Variants in ELAVL4 observed in about 807,000 individuals in gnomAD.
ELAVL4 encodes ELAV like RNA binding protein 4.
Under a neutral mutation model 35.6 loss-of-function variants are expected in ELAVL4, and 1 was observed. The observed-to-expected ratio is 0.03, with a 90% CI of 0.01 to 0.13. The LOEUF (loss-of-function observed/expected upper bound fraction) is 0.13, where lower values mean the gene tolerates loss of function less well. Among genes scored for constraint, ELAVL4 ranks in the 10% least tolerant of loss-of-function variants. ELAVL4 has a pLI of 1.00. For synonymous variants in ELAVL4, 156 were observed against 171.0 expected, an observed-to-expected ratio of 0.91 and a Z score of 0.69; for missense variants, 267 against 464.9, an observed-to-expected ratio of 0.57 and a Z score of 3.91.
At chr1:50,198,684 G>T (rs1644211257) in intron 6 of ELAVL4, among the ~76,000 whole-genome samples, 1 of 152,172 alleles carries the variant, frequency 6.6e-6, no homozygotes, top group African/African-American at 2.4e-5. Context: ...TAGTGAGGTA[G>T]TGCTAAATGT....
intron 1 of ELAVL4, among the ~76,000 whole-genome samples, chr1:50,119,445 T>G (rs538324395): frequency 6.6e-6 from 1 of 152,224 alleles, no homozygotes; most frequent in East Asian, 1.9e-4. Flanking sequence ...TTGGATATTC[T>G]TAGGACCTTC....
chr1:50,157,950 A>G (rs1352381669), intron 2 of ELAVL4, among the ~76,000 whole-genome samples: 1 of 152,202 alleles, frequency 6.6e-6, no homozygotes, highest in Non-Finnish European at 1.5e-5. Context: ...CTAAGGGAAT[A>G]TTTTAGGCCT....
At chr1:50,103,887 A>G (rs1170340048), upstream of ELAVL4, 2 of 1,605,770 alleles carry the variant, frequency 1.2e-6, no homozygotes, top group Non-Finnish European at 1.7e-6. Flanking sequence ...GTTCGGAGGG[A>G]CTGGTGTGAA....
Position 50,176,466 on chromosome 1 carries a change from C to T in ELAVL4, c.251-623C>T, listed in dbSNP as rs188046929. 1.7e-3 allele frequency among the ~76,000 whole-genome samples: 261 copies of T among 152,272 alleles called. 4 individuals carry two copies. Among genetic ancestry groups the T allele is most frequent in the Non-Finnish European group, 2.2e-3 (151 of 68,028 alleles). The stretch of plus-strand genomic sequence containing the variant: ...TGAATGTGGGTGTGGCTGGCATGAC[C>T]GAGGCAATAGACACTGCTACTGTGT... On this transcript the variant is annotated intron_variant, in intron 2 of 6. Coordinates refer to ENST00000371824, the MANE Select transcript of ELAVL4 (RefSeq NM_001144774.3).
At chr1:50,112,287 A>G (rs1441637374) in intron 1 of ELAVL4, among the ~76,000 whole-genome samples, 1 of 151,780 alleles carries the variant, frequency 6.6e-6, no homozygotes, top group Admixed American at 6.6e-5. Flanking sequence ...TTCTTTTTTT[A>G]TTTTCTGAGA....
chr1:50,109,015 T>TCGGGGGGGCGC lies in ELAVL4; in HGVS notation c.-174_-173insGGGGGGGCGCC. 1.0e-6 allele frequency: 1 copy of TCGGGGGGGCGC among 961,070 alleles called. No homozygotes were observed. Among genetic ancestry groups the TCGGGGGGGCGC allele is most frequent in the Non-Finnish European group, 1.2e-6 (1 of 816,950 alleles). 59.5% of individuals were successfully genotyped at this position (961,070 alleles called of 1,614,324 possible). A position where few individuals can be genotyped will look rare whatever the true frequency, so the allele number is the denominator to read the frequency against. On this transcript the variant is annotated 5_prime_UTR_variant, in exon 1 of 7. Transcript: ENST00000371824. Reference sequence around the variant, plus strand: ...GCTCCTTTTCTTTTTTTTCTTTCTCTCCCCCGCCCACCCCCCCAAAAATAA... The same window carrying TCGGGGGGGCGC: ...GCTCCTTTTCTTTTTTTTCTTTCTCTCGGGGGGGCGCCCCCCGCCCACCCCCCCAAAAATAA...
intron 1 of ELAVL4, among the ~76,000 whole-genome samples, chr1:50,117,787 G>A (rs1263065222): frequency 6.6e-6 from 1 of 152,128 alleles, no homozygotes; most frequent in Admixed American, 6.5e-5. Context: ...GTCCTGGGCA[G>A]TGACATTGTA....
At chr1:50,117,002 A>C (rs1399502480) in intron 1 of ELAVL4, among the ~76,000 whole-genome samples, 1 of 152,128 alleles carries the variant, frequency 6.6e-6, no homozygotes, top group Non-Finnish European at 1.5e-5. Flanking sequence ...CCTCATAGTA[A>C]CCATTCCCCA....
At chr1:50,075,252 T>G (rs570690436) in intron 1 of ELAVL4, among the ~76,000 whole-genome samples, 1 of 152,292 alleles carries the variant, frequency 6.6e-6, no homozygotes, top group African/African-American at 2.4e-5. Context: ...GGAATTTGCA[T>G]TTTATCCGAG....
upstream of ELAVL4, chr1:50,105,895 G>A (rs1342255940): frequency 6.1e-6 from 1 of 163,824 alleles, no homozygotes; most frequent in Non-Finnish European, 1.3e-5. Flanking sequence ...AACAAAATCT[G>A]TGGCAAGATG....
chr1:50,153,039 C>T (rs1024164135), intron 2 of ELAVL4, among the ~76,000 whole-genome samples: 3 of 152,110 alleles, frequency 2.0e-5, no homozygotes, highest in Non-Finnish European at 4.4e-5. Context: ...GCTGCAGGAC[C>T]AACGAGCCAG....
At chr1:50,126,235 A>C (rs182556950) in intron 1 of ELAVL4, among the ~76,000 whole-genome samples, 1 of 152,236 alleles carries the variant, frequency 6.6e-6, no homozygotes, top group African/African-American at 2.4e-5. Context: ...CTGTGAAGAA[A>C]ATAAAATTAG....
intron 1 of ELAVL4, among the ~76,000 whole-genome samples, chr1:50,091,930 C>A (rs886089570): frequency 1.3e-5 from 2 of 152,148 alleles, no homozygotes; most frequent in African/African-American, 4.8e-5. Flanking sequence ...GTACCCAAAT[C>A]TCTATACTTC....
chr1:50,120,060 A>AAT (rs112021692), intron 1 of ELAVL4, among the ~76,000 whole-genome samples: 53,425 of 146,894 alleles, frequency 0.36, 9,832 homozygotes, highest in East Asian at 0.72. Context: ...AGAATCAACA[A>AAT]ATATATATAT....
chr1:50,117,831 A>T (rs1557723461), intron 1 of ELAVL4, among the ~76,000 whole-genome samples: 1 of 152,098 alleles, frequency 6.6e-6, no homozygotes, highest in Non-Finnish European at 1.5e-5. Context: ...TGTCCCCAGC[A>T]TGCAAGAAGG....
intron 6 of ELAVL4, among the ~76,000 whole-genome samples, chr1:50,198,036 T>C (rs1445326769): frequency 6.6e-6 from 1 of 152,228 alleles, no homozygotes; most frequent in Non-Finnish European, 1.5e-5. Flanking sequence ...ATCCTGAGAA[T>C]GAAGTGTATC....
intron 3 of ELAVL4, among the ~76,000 whole-genome samples, chr1:50,191,754 G>C (rs74079142): frequency 0.017 from 2,618 of 152,282 alleles, 79 homozygotes; most frequent in African/African-American, 0.06. Context: ...CCCTGAAGAG[G>C]AGTAGGATTT....
At chr1:50,133,741 A>T (rs1378690369) in intron 1 of ELAVL4, among the ~76,000 whole-genome samples, 3 of 152,170 alleles carry the variant, frequency 2.0e-5, no homozygotes, top group Non-Finnish European at 2.9e-5. Context: ...ATTTAAAACT[A>T]CTCTATCAGA....
intron 2 of ELAVL4, among the ~76,000 whole-genome samples, chr1:50,153,736 C>A (rs565621637): frequency 6.6e-6 from 1 of 152,294 alleles, no homozygotes; most frequent in South Asian, 2.1e-4. Context: ...TGTTGAAGTT[C>A]TAACCCCCAA....
Sources: gnomAD v4.1 joint callset for allele counts (sites outside exome capture counted in the v4.1 genomes callset) on GRCh38, gnomAD v4.1.1 for gene constraint, MANE v1.5 for transcripts, NCBI Gene and HGNC (gene_info 2026-07-23, HGNC 2026-07-21) for gene names.